Variants in SMOC2 observed in about 807,000 individuals in gnomAD.
SMOC2 encodes the protein SPARC related modular calcium binding 2.
Under a neutral mutation model 61.4 loss-of-function variants are expected in SMOC2, and 39 were observed. The observed-to-expected ratio is 0.64, with a 90% CI of 0.49 to 0.83. The LOEUF is 0.83. SMOC2 is among the 40% of genes least tolerant of loss of function. The probability of loss-of-function intolerance (pLI) is 0.00; values close to 1 mark genes in which losing one functional copy is unlikely to be tolerated. For synonymous variants in SMOC2, 247 were observed against 239.9 expected (o/e 1.03, Z -0.27); for missense variants, 556 against 592.9 (o/e 0.94, Z 0.65).
At chr6:168,547,794 C>T (rs879560877) in intron 6 of SMOC2, among the ~76,000 whole-genome samples, 5 of 151,828 alleles carry the variant, frequency 3.3e-5, no homozygotes, top group Non-Finnish European at 7.4e-5. Context: ...TATGAGGGCA[C>T]CCACTGTTTT....
rs75775511 is a variant in SMOC2, at chr6:168,547,854, C to G, written c.562+685C>G. ...TTTTCAGATATTGCCATGGTGCATT[C>G]TCATGAGGGTTTCGTTAAATACACA... On this transcript the variant is annotated intron_variant, in intron 6 of 12. Transcript: ENST00000356284. Among the ~76,000 whole-genome samples, 930 of 152,140 alleles carry G rather than the reference C, an allele frequency of 6.1e-3. 8 individuals carry two copies. Among genetic ancestry groups the G allele is most frequent in the Non-Finnish European group, 7.3e-3 (497 of 68,018 alleles).
chr6:168,535,663 G>A lies in SMOC2; in HGVS notation c.463+7936G>A, dbSNP rs1335116100. Among the ~76,000 whole-genome samples, 1 of 152,186 alleles carries A rather than the reference G, an allele frequency of 6.6e-6. No homozygotes were observed. The highest frequency in any genetic ancestry group is 1.5e-5 in the Non-Finnish European group (1 of 68,032). Reference sequence around the variant, plus strand: ...CCTCCAAGTCCATAAATAACATAAAGGATCACTGAGCAAAAACAAATGGAT... The same window carrying A: ...CCTCCAAGTCCATAAATAACATAAAAGATCACTGAGCAAAAACAAATGGAT... On this transcript the variant is annotated intron_variant, in intron 4 of 12. Coordinates refer to ENST00000356284, the MANE Select transcript of SMOC2 (RefSeq NM_001166412.2). The surrounding 1 kb of genome is among the most constrained non-coding windows in gnomAD (Gnocchi z 4.6).
intron 6 of SMOC2, among the ~76,000 whole-genome samples, chr6:168,548,170 C>T (rs1466599392): frequency 1.3e-5 from 2 of 152,154 alleles, no homozygotes; most frequent in Non-Finnish European, 2.9e-5. Flanking sequence ...GTCCTAAGCG[C>T]TACACAATGT....
At chr6:168,530,933 T>TGA (rs1783586404) in intron 4 of SMOC2, among the ~76,000 whole-genome samples, 1 of 152,162 alleles carries the variant, frequency 6.6e-6, no homozygotes, top group South Asian at 2.1e-4. Flanking sequence ...TCTGCCTGGG[T>TGA]GAGCACTGCG....
At chr6:168,596,756 A>G (rs1442609879) in intron 7 of SMOC2, among the ~76,000 whole-genome samples, 1 of 152,182 alleles carries the variant, frequency 6.6e-6, no homozygotes, top group African/African-American at 2.4e-5. Flanking sequence ...CGTCCTTTTT[A>G]TTTGTTACCA....
intron 1 of SMOC2, among the ~76,000 whole-genome samples, chr6:168,442,332 C>T (rs1781231378): frequency 6.6e-6 from 1 of 152,220 alleles, no homozygotes; most frequent in South Asian, 2.1e-4. Flanking sequence ...GGCCAACGCA[C>T]GCGGTGTCAA....
At chr6:168,541,039 G>C (rs1044072900) in intron 4 of SMOC2, among the ~76,000 whole-genome samples, 1 of 152,200 alleles carries the variant, frequency 6.6e-6, no homozygotes, top group Non-Finnish European at 1.5e-5. Context: ...GGCTGAGAGC[G>C]GCTGGATTTG....
chr6:168,513,490 CACACACACACACAT>C (rs1562563753), intron 2 of SMOC2, among the ~76,000 whole-genome samples: 6 of 142,446 alleles, frequency 4.2e-5, no homozygotes, highest in Non-Finnish European at 7.6e-5. Flanking sequence ...TACATACACA[CACACACACACACAT>C]AGACACTCAC....
chr6:168,611,866 C>T (rs1785878156), intron 9 of SMOC2, among the ~76,000 whole-genome samples: 1 of 152,152 alleles, frequency 6.6e-6, no homozygotes, highest in Non-Finnish European at 1.5e-5. Flanking sequence ...CCTCAGGATG[C>T]CCAGGCGGCC....
intron 2 of SMOC2, among the ~76,000 whole-genome samples, chr6:168,510,818 T>A (rs1782989340): frequency 6.6e-6 from 1 of 152,220 alleles, no homozygotes; most frequent in African/African-American, 2.4e-5. Context: ...CCTTTCATAA[T>A]GCAATATAAT....
intron 9 of SMOC2, among the ~76,000 whole-genome samples, chr6:168,611,176 C>T (rs1370680565): frequency 2.6e-5 from 4 of 151,924 alleles, no homozygotes; most frequent in African/African-American, 9.7e-5. Context: ...GTGTCGGGGC[C>T]GTGGTGTGTC....
At chr6:168,488,870 A>T (rs542681388) in intron 1 of SMOC2, among the ~76,000 whole-genome samples, 135 of 142,560 alleles carry the variant, frequency 9.5e-4, no homozygotes, top group Non-Finnish European at 1.2e-3. Context: ...AATGAAATAT[A>T]TCAAATCGTC....
intron 1 of SMOC2, among the ~76,000 whole-genome samples, chr6:168,463,026 C>T (rs928485053): frequency 6.6e-6 from 1 of 152,180 alleles, no homozygotes; most frequent in African/African-American, 2.4e-5. Context: ...TGTTTGAGGA[C>T]AATCTTTGAA....
At chr6:168,538,436 G>C (rs1216985833) in intron 4 of SMOC2, among the ~76,000 whole-genome samples, 3 of 96,544 alleles carry the variant, frequency 3.1e-5, no homozygotes, top group East Asian at 3.7e-4. Flanking sequence ...CTGCTGGAAT[G>C]TGGGGGAGTG....
rs75516225 is a variant in SMOC2, at chr6:168,648,300, C to T, written c.908-2381C>T. Among the ~76,000 whole-genome samples the T allele has an allele frequency of 2.1e-4, 32 of 152,372 alleles. 1 individual carries two copies. The East Asian group carries it at 6.2e-3, about 29-fold the overall frequency. ...TGCCCGAGGTCCTGTGGGTCCCAGC[C>T]TCACCTGCCCCGGCGCCTGTCTCGT... On this transcript the variant is annotated intron_variant, in intron 9 of 12. Transcript: ENST00000356284.
At chr6:168,537,379 A>G (rs1783757620) in intron 4 of SMOC2, among the ~76,000 whole-genome samples, 1 of 152,140 alleles carries the variant, frequency 6.6e-6, no homozygotes, top group South Asian at 2.1e-4. Flanking sequence ...AGCTGGTCCT[A>G]TTTAGGGAGA....
intron 10 of SMOC2, among the ~76,000 whole-genome samples, chr6:168,651,933 C>T (rs10945301): frequency 0.065 from 9,867 of 151,430 alleles, 421 homozygotes; most frequent in Admixed American, 0.13. Flanking sequence ...CCCAGCTACT[C>T]GGGAGGCTAA....
chr6:168,470,188 C>G (rs556876621), intron 1 of SMOC2, among the ~76,000 whole-genome samples: 1 of 152,330 alleles, frequency 6.6e-6, no homozygotes, highest in East Asian at 1.9e-4. Flanking sequence ...GATCCTCCTG[C>G]ACTTTGAGGT....
chr6:168,457,669 CCCT>C (rs1429640638), intron 1 of SMOC2, among the ~76,000 whole-genome samples: 1 of 151,974 alleles, frequency 6.6e-6, no homozygotes, highest in Non-Finnish European at 1.5e-5. Flanking sequence ...CCCAGACCCA[CCCT>C]CCCCACGCCC....
Sources: allele counts gnomAD v4.1 joint callset (sites outside exome capture counted in the v4.1 genomes callset), GRCh38; gene constraint gnomAD v4.1.1; non-coding constraint Gnocchi (gnomAD v3.1); transcripts MANE v1.5; gene names NCBI Gene and HGNC (gene_info 2026-07-23, HGNC 2026-07-21).